Variants in MSH3 observed in about 807,000 individuals in gnomAD.
MSH3 encodes the protein mutS homolog 3, also known as DNA mismatch repair protein Msh3.
A neutral mutation model predicts 123.3 loss-of-function variants in MSH3; 106 were observed. The observed-to-expected ratio is 0.86, with a 90% CI of 0.73 to 1.01. The LOEUF is 1.01. MSH3 is among the 50% of genes least tolerant of loss of function. The pLI is 0.00. For missense variants in MSH3, 1,459 were observed against 1,347.6 expected, an observed-to-expected ratio of 1.08 and a Z score of -1.29; for synonymous variants, 515 against 481.4, an observed-to-expected ratio of 1.07 and a Z score of -0.91.
At chr5:80,684,830 T>A (rs978693050) in intron 8 of MSH3, among the ~76,000 whole-genome samples, 1 of 152,164 alleles carries the variant, frequency 6.6e-6, no homozygotes, top group Non-Finnish European at 1.5e-5. Flanking sequence ...TGTTGAGGTA[T>A]GTTCCTTCTA....
Position 80,755,806 on chromosome 5 carries a change from C to A in MSH3, c.1764-5740C>A, listed in dbSNP as rs556884370. On this transcript the variant is annotated intron_variant, in intron 12 of 23. Coordinates refer to ENST00000265081, the MANE Select transcript of MSH3 (RefSeq NM_002439.5). ...CTTGGGTCCATTTAAGTTAGAGATA[C>A]CATAGTAACGTGAGACACTCAAAGG... Among the ~76,000 whole-genome samples, 15 of 152,182 alleles carry A rather than the reference C, an allele frequency of 9.9e-5. No homozygotes were observed. The South Asian group carries it at 2.7e-3, about 27-fold the overall frequency.
rs376899408 is a variant in MSH3, at chr5:80,755,086, A to G, written c.1764-6460A>G. 1.2e-4 allele frequency among the ~76,000 whole-genome samples: 18 copies of G among 152,248 alleles called. 1 individual carries two copies. The highest frequency in any genetic ancestry group is 4.3e-4 in the African/African-American group (18 of 41,552). ...GATGCATTACTGCTCGGAAATGGGA[A>G]GGGAGAGTAGCAGGTGGTGCGTAAT... On this transcript the variant is annotated intron_variant, in intron 12 of 23. Transcript: ENST00000265081.
chr5:80,824,665 C>T (rs1745262840), intron 20 of MSH3, among the ~76,000 whole-genome samples: 1 of 152,190 alleles, frequency 6.6e-6, no homozygotes. Context: ...ACACCCCATT[C>T]TCCCCAGGTC....
At chr5:80,855,881 TTTTTTTTTTTTTTTTC>T (rs1271165505) in intron 21 of MSH3, 1 of 144,574 alleles carries the variant, frequency 6.9e-6, no homozygotes, top group Non-Finnish European at 1.5e-5. Context: ...CTCTTTTTTT[TTTTTTTTTTTTTTTTC>T]TTTTTTGAAA....
chr5:80,839,367 CAATAA>C (rs1182987589), intron 20 of MSH3, among the ~76,000 whole-genome samples: 1 of 152,082 alleles, frequency 6.6e-6, no homozygotes, highest in African/African-American at 2.4e-5. Flanking sequence ...GACTCTGTCT[CAATAA>C]AATAAAATAA....
At chr5:80,860,647 TG>T (rs1431616625) in intron 21 of MSH3, among the ~76,000 whole-genome samples, 1 of 152,072 alleles carries the variant, frequency 6.6e-6, no homozygotes, top group African/African-American at 2.4e-5. Flanking sequence ...GGTGTGGTTT[TG>T]GGGACATTTA....
rs116980960 is a variant in MSH3 at position 80,835,237 on chromosome 5, G to A, written c.2814-18893G>A. 5.9e-3 allele frequency among the ~76,000 whole-genome samples: 901 copies of A among 152,304 alleles called. 7 individuals are homozygous for A. Among genetic ancestry groups the A allele is most frequent in the South Asian group, 0.048 (231 of 4,830 alleles). On this transcript the variant is annotated intron_variant, in intron 20 of 23. Transcript: ENST00000265081. ...AATTGGCTTTTGTTGTTTACAGCTT[G>A]TCTATGTCAGACCATCCCGTAGGAA...
chr5:80,669,160 G>A (rs1749638995), intron 3 of MSH3, among the ~76,000 whole-genome samples: 1 of 152,064 alleles, frequency 6.6e-6, no homozygotes. Flanking sequence ...CTGATGTCCC[G>A]GTGAAGCTGA....
chr5:80,848,737 C>T (rs1273655143), intron 20 of MSH3, among the ~76,000 whole-genome samples: 1 of 152,134 alleles, frequency 6.6e-6, no homozygotes, highest in East Asian at 1.9e-4. Flanking sequence ...CCACTGGGTC[C>T]CTCCCACAAC....
At position 80,707,493 on chromosome 5, in the gene MSH3, T is replaced by C. The variant is rs6151694; in HGVS notation, c.1341-17960T>C. ...ATCCCAGCACTTTGGGAGGCCAAGG[T>C]GGGAGGACTGCTTGAGCCCAGAAGC... is the stretch of plus-strand genomic sequence containing the variant. On this transcript the variant is annotated intron_variant, in intron 8 of 23. Coordinates refer to ENST00000265081, the MANE Select transcript of MSH3 (RefSeq NM_002439.5). Among the ~76,000 whole-genome samples, 560 of 151,712 alleles carry C rather than the reference T, an allele frequency of 3.7e-3. 2 individuals are homozygous for C. Among genetic ancestry groups the C allele is most frequent in the Middle Eastern group, 0.024 (7 of 294 alleles).
chr5:80,789,725 A>G (rs576722745), intron 18 of MSH3, among the ~76,000 whole-genome samples: 34 of 152,358 alleles, frequency 2.2e-4, no homozygotes, highest in African/African-American at 8.2e-4. Context: ...TTAGCCAGAT[A>G]TATTTAAGAA....
At chr5:80,789,719 C>A (rs1744575765) in intron 18 of MSH3, among the ~76,000 whole-genome samples, 1 of 151,960 alleles carries the variant, frequency 6.6e-6, no homozygotes, top group Non-Finnish European at 1.5e-5. Context: ...ATTTTATTAG[C>A]CAGATATATT....
At chr5:80,679,841 G>A (rs1345564122) in intron 8 of MSH3, among the ~76,000 whole-genome samples, 1 of 152,236 alleles carries the variant, frequency 6.6e-6, no homozygotes, top group Non-Finnish European at 1.5e-5. Flanking sequence ...CACCTGGAGT[G>A]TGGTGGGAAA....
At chr5:80,824,965 C>T (rs951065236) in intron 20 of MSH3, among the ~76,000 whole-genome samples, 1 of 152,164 alleles carries the variant, frequency 6.6e-6, no homozygotes, top group African/African-American at 2.4e-5. Context: ...TGTGCTCCCA[C>T]ATCTTCCTGT....
rs1561486632 is a variant in MSH3 at position 80,813,591 on chromosome 5, CAGAG to C, written c.2668_2671del (p.Arg890Ter). ...TTCCTTTCTAATTTTCAGGAGGACTCAGAGAGAGTAATGATAATTACCGGACCAA... is the reference window on the plus strand; with the variant it reads ...TTCCTTTCTAATTTTCAGGAGGACTCAGAGTAATGATAATTACCGGACCAA... On this transcript the variant is annotated frameshift_variant, in exon 20 of 24. Transcript: ENST00000265081. LOFTEE classifies it high-confidence loss of function. The C allele has an allele frequency of 7.4e-6, 12 of 1,614,042 alleles. No individual in the cohort carries two copies. Among genetic ancestry groups the C allele is most frequent in the Non-Finnish European group, 1.0e-5 (12 of 1,179,976 alleles).
intron 8 of MSH3, among the ~76,000 whole-genome samples, chr5:80,688,127 T>G (rs947437328): frequency 6.6e-6 from 1 of 152,224 alleles, no homozygotes; most frequent in African/African-American, 2.4e-5. Context: ...AAAACTAGCC[T>G]TAGCTCATTG....
chr5:80,720,323 C>T (rs761745184), intron 8 of MSH3, among the ~76,000 whole-genome samples: 3 of 152,080 alleles, frequency 2.0e-5, no homozygotes. Flanking sequence ...TGTTTCTTTG[C>T]TTTGCCCTCT....
At chr5:80,713,103 C>G (rs887037337) in intron 8 of MSH3, among the ~76,000 whole-genome samples, 1 of 152,112 alleles carries the variant, frequency 6.6e-6, no homozygotes, top group Non-Finnish European at 1.5e-5. Context: ...CTCTTTTTGT[C>G]TATGAGTTTC....
intron 1 of MSH3, chr5:80,655,241 T>C: frequency 3.2e-6 from 1 of 315,644 alleles, no homozygotes. Flanking sequence ...CCCATTCTGA[T>C]GAGGGGGCTT....
Sources: gnomAD v4.1 joint callset for allele counts (sites outside exome capture counted in the v4.1 genomes callset) on GRCh38, gnomAD v4.1.1 for gene constraint, MANE v1.5 for transcripts, NCBI Gene and HGNC (gene_info 2026-07-23, HGNC 2026-07-21) for gene names.